The following LIN28B variants were observed in gnomAD, a reference collection of about 807,000 sequenced individuals.
LIN28B encodes protein lin-28 homolog B.
Under a neutral mutation model 21.9 loss-of-function variants are expected in LIN28B, and 5 were observed. The ratio of observed to expected loss-of-function variants is 0.23; its 90% CI spans 0.12 to 0.48. The LOEUF is 0.48. LIN28B is among the 20% of genes least tolerant of loss of function. The pLI is 0.98. For synonymous variants in LIN28B, 109 were observed against 111.3 expected (o/e 0.98, Z 0.13); for missense variants, 245 against 310.5 (o/e 0.79, Z 1.58).
chr6:104,998,023 A>G (rs1770648619), intron 2 of LIN28B, among the ~76,000 whole-genome samples: 1 of 152,212 alleles, frequency 6.6e-6, no homozygotes, highest in Non-Finnish European at 1.5e-5. Context: ...AAACCCTTTT[A>G]TGCTGTAAAA....
rs200569084 is a variant in LIN28B, at chr6:105,078,457, A to C, written c.427A>C (p.Ser143Arg). ...GGLDHHAKEC[S>R]LPPQPKKCHY... ...CCTTGATCATCATGCTAAGGAATGT[A>C]GTCTACCTCCTCAGCCAAAGAAGTG... The change falls in exon 4 of 4, where the codon AGT becomes CGT. Residue 143 changes from serine (S) to arginine (R), a missense_variant. Coordinates refer to ENST00000345080, the MANE Select transcript of LIN28B (RefSeq NM_001004317.4). 6.2e-7 allele frequency: 1 copy of C among 1,613,552 alleles called. No individual in the cohort carries two copies.
intron 2 of LIN28B, among the ~76,000 whole-genome samples, chr6:104,983,515 A>G (rs1375326428): frequency 1.3e-5 from 2 of 152,182 alleles, no homozygotes; most frequent in Non-Finnish European, 2.9e-5. Context: ...GATTATTATC[A>G]GTTTTACTGT....
intron 3 of LIN28B, among the ~76,000 whole-genome samples, chr6:105,027,566 A>T (rs1251445968): frequency 5.3e-5 from 8 of 151,876 alleles, no homozygotes; most frequent in African/African-American, 9.7e-5. Context: ...AAAATAAGAA[A>T]TTTTTTTAGC....
At chr6:104,980,777 G>T (rs1053119682) in intron 2 of LIN28B, among the ~76,000 whole-genome samples, 1 of 151,998 alleles carries the variant, frequency 6.6e-6, no homozygotes, top group Non-Finnish European at 1.5e-5. Context: ...CACACAGACT[G>T]AATTAACCTT....
chr6:105,065,282 G>A (rs1030172639), intron 3 of LIN28B, among the ~76,000 whole-genome samples: 10 of 152,204 alleles, frequency 6.6e-5, no homozygotes, highest in South Asian at 2.1e-4. Context: ...AGGAAAGGAA[G>A]TAGCCATGAG....
chr6:105,079,907 TTGCCCAATATA>T lies in LIN28B; in HGVS notation c.*1126_*1136del, dbSNP rs1465441633. The T allele has an allele frequency of 2.0e-5, 3 of 152,202 alleles. No individual in the cohort carries two copies. Among genetic ancestry groups the T allele is most frequent in the Non-Finnish European group, 4.4e-5 (3 of 68,038 alleles). 9.4% of individuals were successfully genotyped at this position (152,202 alleles called of 1,614,324 possible). A position where few individuals can be genotyped will look rare whatever the true frequency, so the allele number is the denominator to read the frequency against. On this transcript the variant is annotated 3_prime_UTR_variant, in exon 4 of 4. Transcript: ENST00000345080. ...ATTAAAATTAAGTGGATGTTCACAG[TTGCCCAATATA>T]TATGACCTGCAAATGATACGAAAAA... is the stretch of plus-strand genomic sequence containing the variant.
intron 2 of LIN28B, among the ~76,000 whole-genome samples, chr6:105,001,518 A>G (rs1770720508): frequency 6.6e-6 from 1 of 152,204 alleles, no homozygotes; most frequent in South Asian, 2.1e-4. Context: ...CTTTTTTCCT[A>G]CAGCAGATAG....
At chr6:104,986,647 T>C (rs1384896417) in intron 2 of LIN28B, among the ~76,000 whole-genome samples, 2 of 152,092 alleles carry the variant, frequency 1.3e-5, no homozygotes, top group Non-Finnish European at 2.9e-5. Context: ...TTGTGACAGC[T>C]AGTCGTAAGA....
At chr6:105,030,651 C>T (rs1329183237) in intron 3 of LIN28B, among the ~76,000 whole-genome samples, 6 of 135,556 alleles carry the variant, frequency 4.4e-5, no homozygotes, top group African/African-American at 1.7e-4. Flanking sequence ...GTCTGGAGTG[C>T]AATGGCCTGA....
intron 3 of LIN28B, among the ~76,000 whole-genome samples, chr6:105,031,787 G>A (rs1405955859): frequency 2.0e-5 from 3 of 151,914 alleles, no homozygotes; most frequent in Non-Finnish European, 4.4e-5. Flanking sequence ...CGCCCGCCTT[G>A]GCCTCCCAAA....
upstream of LIN28B, among the ~76,000 whole-genome samples, chr6:104,953,519 G>A (rs1778246895): frequency 6.6e-6 from 1 of 152,208 alleles, no homozygotes; most frequent in Admixed American, 6.5e-5. Context: ...TGGTGTTCTT[G>A]GGGACAAGAT....
chr6:105,037,799 C>T (rs1562101609), intron 3 of LIN28B, among the ~76,000 whole-genome samples: 1 of 152,104 alleles, frequency 6.6e-6, no homozygotes, highest in African/African-American at 2.4e-5. Flanking sequence ...ACGTGAGCTA[C>T]TGCGCCCGGC....
intron 2 of LIN28B, among the ~76,000 whole-genome samples, chr6:104,991,692 G>C (rs886932395): frequency 1.3e-5 from 2 of 152,174 alleles, no homozygotes; most frequent in African/African-American, 4.8e-5. Context: ...AGCGAGCCGA[G>C]ATCACGCCAC....
rs1446930368 is a variant in LIN28B, at chr6:105,081,513, A to G, written c.*2730A>G. 6.6e-6 allele frequency: 1 copy of G among 152,632 alleles called. No homozygotes were observed. The highest frequency in any genetic ancestry group is 2.4e-5 in the African/African-American group (1 of 41,468). The allele number at this position is 152,632 out of a possible 1,614,324, so 9.5% of individuals were successfully genotyped here. On this transcript the variant is annotated 3_prime_UTR_variant, in exon 4 of 4. Transcript: ENST00000345080. ...CAGGTGGCTGATAATTCTCTGGTAC[A>G]GAACCTTTTTATCTGTATTATAAAT...
chr6:104,977,111 C>T (rs1386398639), intron 2 of LIN28B, among the ~76,000 whole-genome samples: 1 of 151,888 alleles, frequency 6.6e-6, no homozygotes, highest in Non-Finnish European at 1.5e-5. Flanking sequence ...TATGTATAAT[C>T]TTGTACTCCG....
At position 105,047,201 on chromosome 6, in the gene LIN28B, G is replaced by A. The variant is rs1244707564; in HGVS notation, c.383+20719G>A. Among the ~76,000 whole-genome samples, 10 of 152,254 alleles carry A rather than the reference G, an allele frequency of 6.6e-5. No individual in the cohort carries two copies. The South Asian group carries it at 1.2e-3, about 19-fold the overall frequency. On this transcript the variant is annotated intron_variant, in intron 3 of 3. Coordinates refer to ENST00000345080, the MANE Select transcript of LIN28B (RefSeq NM_001004317.4). The stretch of plus-strand genomic sequence containing the variant: ...TATTGAATTAATTTTTGTATAAGGT[G>A]TAAGGAAGGGATCCAGTTTCAGCTT...
chr6:105,034,331 C>T (rs564904460), intron 3 of LIN28B, among the ~76,000 whole-genome samples: 1 of 151,950 alleles, frequency 6.6e-6, no homozygotes, highest in Admixed American at 6.6e-5. Flanking sequence ...ATACATTCTG[C>T]TGCTTTTATT....
At chr6:104,984,238 A>G (rs575438580) in intron 2 of LIN28B, among the ~76,000 whole-genome samples, 1 of 152,322 alleles carries the variant, frequency 6.6e-6, no homozygotes, top group Admixed American at 6.5e-5. Flanking sequence ...ATGTTTAATA[A>G]TTAGCTTTTT....
chr6:105,059,800 C>T (rs1772092023), intron 3 of LIN28B, among the ~76,000 whole-genome samples: 1 of 152,172 alleles, frequency 6.6e-6, no homozygotes, highest in Non-Finnish European at 1.5e-5. Flanking sequence ...GCATTTCTTC[C>T]ACTTTAATGA....
Sources: gnomAD v4.1 joint callset for allele counts (sites outside exome capture counted in the v4.1 genomes callset) on GRCh38, gnomAD v4.1.1 for gene constraint, MANE v1.5 for transcripts, NCBI Gene and HGNC (gene_info 2026-07-23, HGNC 2026-07-21) for gene names.